Variants in ZNF146 observed in about 807,000 individuals in gnomAD.
The protein encoded by ZNF146 is zinc finger protein OZF.
ZNF146 carries 9 observed loss-of-function variants against 22.2 expected under a neutral mutation model. The observed-to-expected ratio is 0.41, with a 90% CI of 0.24 to 0.71. ZNF146 has a LOEUF of 0.71. ZNF146 is among the 30% of genes least tolerant of loss of function. ZNF146 has a pLI of 0.34. For synonymous variants in ZNF146, 108 were observed against 119.2 expected (o/e 0.91, Z 0.61); for missense variants, 194 against 344.8 (o/e 0.56, Z 3.46).
intron 1 of ZNF146, among the ~76,000 whole-genome samples, chr19:36,217,072 T>TTTTTTTTTG (rs1976641999): frequency 7.2e-6 from 1 of 138,056 alleles, no homozygotes; most frequent in Non-Finnish European, 1.6e-5. Flanking sequence ...TTTTTTTTTT[T>TTTTTTTTTG]TTTTTTTTGA....
At chr19:36,222,360 T>A (rs1287043085) in intron 2 of ZNF146, among the ~76,000 whole-genome samples, 1 of 152,254 alleles carries the variant, frequency 6.6e-6, no homozygotes, top group Non-Finnish European at 1.5e-5. Context: ...TTTCCAGTCT[T>A]CTGCTGTTGC....
intron 2 of ZNF146, among the ~76,000 whole-genome samples, chr19:36,223,653 G>A (rs1453255878): frequency 2.1e-5 from 3 of 142,248 alleles, no homozygotes; most frequent in Non-Finnish European, 3.0e-5. Flanking sequence ...GTGAGCCACC[G>A]CGCGTGGCTG....
upstream of ZNF146, chr19:36,214,747 G>T (rs1025468050): frequency 6.9e-4 from 105 of 152,308 alleles, no homozygotes; most frequent in Non-Finnish European, 2.9e-5. Context: ...GATCGGCCAC[G>T]GACAGAATGG....
intron 2 of ZNF146, among the ~76,000 whole-genome samples, chr19:36,221,919 T>TTTTC (rs1462985768): frequency 2.8e-5 from 4 of 141,066 alleles, no homozygotes; most frequent in African/African-American, 7.7e-5. Context: ...GCCCTTCCTT[T>TTTTC]TTTCTTTCTT....
rs539267241 is a variant in ZNF146 at position 36,235,096 on chromosome 19, T to TTACTCAG, written c.-782-562_-782-556dup. ...TGGTGGTGCACACCTGTAATCCCAG[T>TTACTCAG]TACTCAGGAGGCTGAGGCTAGAGAA... On this transcript the variant is annotated intron_variant, in intron 3 of 3. Transcript: ENST00000443387. 7.3e-3 allele frequency among the ~76,000 whole-genome samples: 1,114 copies of TTACTCAG among 152,078 alleles called. 7 individuals are homozygous for TTACTCAG. Among genetic ancestry groups the TTACTCAG allele is most frequent in the Middle Eastern group, 0.014 (4 of 294 alleles).
intron 3 of ZNF146, among the ~76,000 whole-genome samples, chr19:36,229,880 T>A (rs1305411045): frequency 2.0e-5 from 3 of 152,148 alleles, no homozygotes; most frequent in Non-Finnish European, 4.4e-5. Flanking sequence ...CCATCACACC[T>A]GGCTAATTTT....
chr19:36,225,907 T>C (rs1236047042), intron 2 of ZNF146, among the ~76,000 whole-genome samples: 2 of 151,920 alleles, frequency 1.3e-5, no homozygotes, highest in Non-Finnish European at 2.9e-5. Flanking sequence ...ACTACAGGCA[T>C]GTACCACCCC....
At chr19:36,215,017 G>C (rs1172761377), upstream of ZNF146, 2 of 152,346 alleles carry the variant, frequency 1.3e-5, no homozygotes, top group African/African-American at 2.4e-5. Flanking sequence ...GCTGGTAATA[G>C]AAGGTAATTC....
At position 36,237,728 on chromosome 19, in the gene ZNF146, T is replaced by C. The variant is rs1190096266; in HGVS notation, c.*409T>C. 1 of 173,888 alleles carries C rather than the reference T, an allele frequency of 5.8e-6. No homozygotes were observed. The highest frequency in any genetic ancestry group is 6.1e-5 in the Admixed American group (1 of 16,266). The allele number at this position is 173,888 out of a possible 1,614,324, so 10.8% of individuals were successfully genotyped here. ...AATATTAAGACTCCTGTGGTATTGA[T>C]TGAGCAGAGCAGAAGAGATTTCAAA... On this transcript the variant is annotated 3_prime_UTR_variant, in exon 4 of 4. Coordinates refer to ENST00000443387, the MANE Select transcript of ZNF146 (RefSeq NM_007145.3).
intron 3 of ZNF146, among the ~76,000 whole-genome samples, chr19:36,230,812 C>CT (rs1346928704): frequency 2.0e-5 from 3 of 151,944 alleles, no homozygotes; most frequent in Non-Finnish European, 4.4e-5. Flanking sequence ...TTTCCTTTTC[C>CT]TTTTTTTGAG....
At chr19:36,222,380 A>G (rs533909156) in intron 2 of ZNF146, among the ~76,000 whole-genome samples, 1 of 152,356 alleles carries the variant, frequency 6.6e-6, no homozygotes, top group Admixed American at 6.5e-5. Context: ...CTAACAATGC[A>G]GTAATGAATA....
intron 1 of ZNF146, among the ~76,000 whole-genome samples, chr19:36,217,210 G>A (rs1976648934): frequency 6.6e-6 from 1 of 150,990 alleles, no homozygotes; most frequent in East Asian, 1.9e-4. Context: ...TTAGTTGCCT[G>A]CCACCACACC....
chr19:36,217,758 C>A (rs891797965), intron 1 of ZNF146, among the ~76,000 whole-genome samples: 1 of 151,968 alleles, frequency 6.6e-6, no homozygotes, highest in South Asian at 2.1e-4. Flanking sequence ...GCGGCACATG[C>A]CTGTTAATCC....
chr19:36,215,910 A>G (rs1472557047), intron 1 of ZNF146, among the ~76,000 whole-genome samples: 1 of 152,154 alleles, frequency 6.6e-6, no homozygotes, highest in African/African-American at 2.4e-5. Context: ...GTGTTTATCT[A>G]TGAGTCTGGA....
In ZNF146 at chr19:36,237,328, T is replaced by C; in HGVS notation, c.*9T>C. The C allele has an allele frequency of 1.3e-6, 2 of 1,571,230 alleles. No individual in the cohort carries two copies. The highest frequency in any genetic ancestry group is 8.6e-7 in the Non-Finnish European group (1 of 1,160,196). On this transcript the variant is annotated 3_prime_UTR_variant, in exon 4 of 4. Coordinates refer to ENST00000443387, the MANE Select transcript of ZNF146 (RefSeq NM_007145.3). ...AAATTCATACTCACTAAAAACCCCATGAAAGCCTTGAAAGTGGGAAAGCTT... is the reference window on the plus strand; with the variant it reads ...AAATTCATACTCACTAAAAACCCCACGAAAGCCTTGAAAGTGGGAAAGCTT...
intron 2 of ZNF146, among the ~76,000 whole-genome samples, chr19:36,221,490 A>T (rs996559341): frequency 6.6e-6 from 1 of 151,822 alleles, no homozygotes; most frequent in Non-Finnish European, 1.5e-5. Context: ...AGGTTTCACC[A>T]TGTTAGCCAG....
intron 3 of ZNF146, among the ~76,000 whole-genome samples, chr19:36,231,954 A>G (rs887702948): frequency 3.9e-5 from 6 of 151,926 alleles, no homozygotes; most frequent in Admixed American, 3.3e-4. Context: ...TGTAATCCCA[A>G]CACTTTGGGA....
In ZNF146 at chr19:36,235,945, G is replaced by A. The variant is rs1385257040; in HGVS notation, c.-496G>A. 2 of 154,818 alleles carry A rather than the reference G, an allele frequency of 1.3e-5. No homozygotes were observed. Among genetic ancestry groups the A allele is most frequent in the East Asian group, 1.9e-4 (1 of 5,252 alleles). The allele number at this position is 154,818 out of a possible 1,614,324, so 9.6% of individuals were successfully genotyped here. On this transcript the variant is annotated 5_prime_UTR_variant, in exon 4 of 4. Coordinates refer to ENST00000443387, the MANE Select transcript of ZNF146 (RefSeq NM_007145.3). The stretch of plus-strand genomic sequence containing the variant: ...TCTCTACCACAGCTTACTCCTTATG[G>A]TATTAACCCCCTTTAAGTGTAAATG...
chr19:36,233,328 C>T (rs1009152280), intron 3 of ZNF146, among the ~76,000 whole-genome samples: 2 of 152,114 alleles, frequency 1.3e-5, no homozygotes, highest in Non-Finnish European at 2.9e-5. Flanking sequence ...TGCAGTGAGT[C>T]GAGATCGCAC....
Sources: allele counts gnomAD v4.1 joint callset (sites outside exome capture counted in the v4.1 genomes callset), GRCh38; gene constraint gnomAD v4.1.1; transcripts MANE v1.5; gene names NCBI Gene and HGNC (gene_info 2026-07-23, HGNC 2026-07-21).